HORMAD2: variants seen among roughly 807,000 people sequenced by gnomAD.
HORMAD2 encodes HORMA domain-containing protein 2.
A neutral mutation model predicts 38.8 loss-of-function variants in HORMAD2; 45 were observed. The observed-to-expected ratio is 1.16, with a 90% CI of 0.91 to 1.49. The LOEUF (loss-of-function observed/expected upper bound fraction) is 1.49, where lower values mean the gene tolerates loss of function less well. Among genes scored for constraint, HORMAD2 ranks in the 40% most tolerant of loss-of-function variants. The pLI, the probability that HORMAD2 is intolerant of heterozygous loss-of-function variation, is 0.00. For missense variants in HORMAD2, 338 were observed against 367.0 expected (o/e 0.92, Z 0.65); for synonymous variants, 126 against 122.8 (o/e 1.03, Z -0.17).
In HORMAD2 at chr22:30,160,743, A is replaced by G. The variant is rs956024862; in HGVS notation, c.820-15320A>G. On this transcript the variant is annotated intron_variant, in intron 10 of 10. Transcript: ENST00000336726. ...CAAAAATGGAAGCAATTAAATAACT[A>G]TAGTTGAACTAAATTGATGCTGTAG... Among the ~76,000 whole-genome samples the G allele has an allele frequency of 5.9e-5, 9 of 152,346 alleles. No individual in the cohort carries two copies. The East Asian group carries it at 1.2e-3, about 20-fold the overall frequency.
intron 10 of HORMAD2, among the ~76,000 whole-genome samples, chr22:30,150,278 A>G (rs763313043): frequency 1.3e-5 from 2 of 152,104 alleles, no homozygotes; most frequent in Non-Finnish European, 2.9e-5. Flanking sequence ...TCCTTGACAT[A>G]GTCCTACTCT....
At chr22:30,193,273 G>A in the HORMAD2 span, among the ~76,000 whole-genome samples, 1 of 152,148 alleles carries the variant, frequency 6.6e-6, no homozygotes, top group African/African-American at 2.4e-5. Context: ...AACATATCAT[G>A]TCACTATGTT....
At chr22:30,148,653 T>C (rs1924566561) in intron 10 of HORMAD2, among the ~76,000 whole-genome samples, 1 of 152,178 alleles carries the variant, frequency 6.6e-6, no homozygotes, top group South Asian at 2.1e-4. Flanking sequence ...CAGTGAAGTA[T>C]TAGTTCAGTA....
At chr22:30,190,479 C>T in the HORMAD2 span, among the ~76,000 whole-genome samples, 3 of 152,334 alleles carry the variant, frequency 2.0e-5, no homozygotes, top group Middle Eastern at 3.4e-3. Context: ...GTGTAACTTT[C>T]GATGGCACTA....
the HORMAD2 span, among the ~76,000 whole-genome samples, chr22:30,203,120 C>T: frequency 6.6e-6 from 1 of 152,216 alleles, no homozygotes; most frequent in Non-Finnish European, 1.5e-5. Flanking sequence ...TTTAAAAGAT[C>T]TGTCAGCCTT....
chr22:30,195,438 G>T, the HORMAD2 span, among the ~76,000 whole-genome samples: 1 of 152,214 alleles, frequency 6.6e-6, no homozygotes, highest in East Asian at 1.9e-4. Context: ...AGATAAGAAG[G>T]ATTCACAAAG....
chr22:30,102,479 A>T (rs1920955836), intron 3 of HORMAD2, among the ~76,000 whole-genome samples: 1 of 152,212 alleles, frequency 6.6e-6, no homozygotes, highest in Non-Finnish European at 1.5e-5. Flanking sequence ...TCTGAATGTT[A>T]TATCAACATG....
intron 2 of HORMAD2, 138 bp downstream of exon 2, chr22:30,094,141 T>C (rs2068740532): frequency 1.7e-6 from 1 of 596,016 alleles, no homozygotes; most frequent in African/African-American, 1.9e-5. Flanking sequence ...GGAGAGTATG[T>C]GTACATTTTA....
chr22:30,175,551 A>G (rs1004684715), intron 10 of HORMAD2, among the ~76,000 whole-genome samples: 2 of 151,916 alleles, frequency 1.3e-5, no homozygotes, highest in South Asian at 2.1e-4. Context: ...GGCAAAATAT[A>G]TATCTATAAT....
chr22:30,144,913 G>A (rs142612114), intron 10 of HORMAD2, among the ~76,000 whole-genome samples: 22 of 152,192 alleles, frequency 1.4e-4, no homozygotes, highest in Non-Finnish European at 2.9e-4. Flanking sequence ...CTCCCATGAA[G>A]ATAGCCCTCA....
chr22:30,177,136 A>T (rs1237126233), downstream of HORMAD2: 1 of 152,398 alleles, frequency 6.6e-6, no homozygotes, highest in Non-Finnish European at 1.5e-5. Flanking sequence ...TAACATCAGT[A>T]TCTCTCCAAA....
the HORMAD2 span, among the ~76,000 whole-genome samples, chr22:30,186,420 T>C: frequency 6.7e-6 from 1 of 149,104 alleles, no homozygotes; most frequent in African/African-American, 2.5e-5. Flanking sequence ...CTCATCAACA[T>C]AACATTTTTC....
intron 10 of HORMAD2, among the ~76,000 whole-genome samples, chr22:30,138,036 G>A (rs1334237434): frequency 6.6e-6 from 1 of 152,040 alleles, no homozygotes; most frequent in Non-Finnish European, 1.5e-5. Flanking sequence ...AGTGTATGAG[G>A]GTTCCAATTT....
chr22:30,098,775 CA>C, intron 2 of HORMAD2, 76 bp from the exon 3 acceptor site: 1 of 1,218,118 alleles, frequency 8.2e-7, no homozygotes, highest in Non-Finnish European at 1.1e-6. Context: ...ATCTTTTCAT[CA>C]TATATGTGGT....
At chr22:30,078,635 A>AAAAAAAAAAAAAAG (rs2068417439), upstream of HORMAD2, among the ~76,000 whole-genome samples, 1 of 150,434 alleles carries the variant, frequency 6.6e-6, no homozygotes, top group Non-Finnish European at 1.5e-5. Context: ...AAAAAAAAAA[A>AAAAAAAAAAAAAAG]AATTAGATTG....
At chr22:30,166,873 G>T (rs1925815041) in intron 10 of HORMAD2, among the ~76,000 whole-genome samples, 1 of 152,160 alleles carries the variant, frequency 6.6e-6, no homozygotes, top group African/African-American at 2.4e-5. Context: ...AGTAATGGAA[G>T]ATTTCTGTTT....
At chr22:30,095,582 G>GA (rs1273604571) in intron 2 of HORMAD2, among the ~76,000 whole-genome samples, 1 of 152,128 alleles carries the variant, frequency 6.6e-6, no homozygotes, top group Non-Finnish European at 1.5e-5. Flanking sequence ...AATTAAGAGT[G>GA]ATACAGAATG....
chr22:30,186,711 G>A, the HORMAD2 span, among the ~76,000 whole-genome samples: 1 of 152,122 alleles, frequency 6.6e-6, no homozygotes, highest in African/African-American at 2.4e-5. Context: ...AGGCCTACGT[G>A]AGGAAGTGGA....
intron 2 of HORMAD2, 85 bp from the exon 3 acceptor site, chr22:30,098,767 C>G (rs1920925704): frequency 8.6e-7 from 1 of 1,161,246 alleles, no homozygotes; most frequent in South Asian, 1.9e-5. Flanking sequence ...CCTGAGAAAT[C>G]TTTTCATCAT....
Sources: allele counts gnomAD v4.1 joint callset (sites outside exome capture counted in the v4.1 genomes callset), GRCh38; gene constraint gnomAD v4.1.1; transcripts MANE v1.5; gene names NCBI Gene and HGNC (gene_info 2026-07-23, HGNC 2026-07-21).